ZNF385B: variants seen among roughly 807,000 people sequenced by gnomAD.
ZNF385B encodes zinc finger protein 533.
Under a neutral mutation model 39.2 loss-of-function variants are expected in ZNF385B, and 23 were observed. The ratio of observed to expected loss-of-function variants is 0.59; its 90% CI spans 0.42 to 0.83. The LOEUF is 0.83. Among genes scored for constraint, ZNF385B ranks in the 40% least tolerant of loss-of-function variants. The pLI is 0.00. For missense variants in ZNF385B, 552 were observed against 598.9 expected, an observed-to-expected ratio of 0.92 and a Z score of 0.82; for synonymous variants, 205 against 222.6, an observed-to-expected ratio of 0.92 and a Z score of 0.70.
At chr2:179,753,682 T>C (rs1702827152) in intron 3 of ZNF385B, among the ~76,000 whole-genome samples, 1 of 152,198 alleles carries the variant, frequency 6.6e-6, no homozygotes, top group Non-Finnish European at 1.5e-5. Context: ...CTAGGAATTT[T>C]ATTTTCTTTG....
chr2:179,514,778 GTTT>G (rs10594566), intron 5 of ZNF385B, among the ~76,000 whole-genome samples: 115,624 of 143,414 alleles, frequency 0.81, 46,730 homozygotes, highest in East Asian at 0.9. Flanking sequence ...ATGTGTGGTG[GTTT>G]TTTTTTTTTT....
intron 3 of ZNF385B, among the ~76,000 whole-genome samples, chr2:179,605,588 T>A (rs980707461): frequency 6.6e-6 from 1 of 152,158 alleles, no homozygotes; most frequent in East Asian, 1.9e-4. Flanking sequence ...CCAATGGCTA[T>A]AATATGTATG....
chr2:179,699,480 A>AGCAGTTATATATTTTGC (rs1233104898), intron 3 of ZNF385B, among the ~76,000 whole-genome samples: 2 of 152,368 alleles, frequency 1.3e-5, no homozygotes, highest in Admixed American at 1.3e-4. Flanking sequence ...ATAATTGTGG[A>AGCAGTTATATATTTTGC]TGTTACAGAG....
intron 1 of ZNF385B, among the ~76,000 whole-genome samples, chr2:179,804,671 T>G (rs77053314): frequency 0.042 from 6,405 of 152,274 alleles, 207 homozygotes; most frequent in African/African-American, 0.095. Flanking sequence ...ATAAAAGAAA[T>G]AAATCATTCA....
At chr2:179,779,551 A>G (rs979486734) in intron 1 of ZNF385B, among the ~76,000 whole-genome samples, 2 of 152,228 alleles carry the variant, frequency 1.3e-5, no homozygotes, top group East Asian at 3.9e-4. Flanking sequence ...CAGAGTAGAG[A>G]GGGTGTCATG....
chr2:179,608,945 G>T (rs1039490556), intron 3 of ZNF385B, among the ~76,000 whole-genome samples: 2 of 150,756 alleles, frequency 1.3e-5, no homozygotes, highest in Non-Finnish European at 2.9e-5. Context: ...AAATTTTTAT[G>T]AGTACAAAGT....
At chr2:179,761,470 T>A (rs969694407) in intron 3 of ZNF385B, among the ~76,000 whole-genome samples, 7 of 152,204 alleles carry the variant, frequency 4.6e-5, no homozygotes, top group Non-Finnish European at 7.4e-5. Flanking sequence ...ACACATGTTT[T>A]TTAAAGTATA....
intron 3 of ZNF385B, among the ~76,000 whole-genome samples, chr2:179,674,622 T>C (rs1185659462): frequency 6.6e-6 from 1 of 152,370 alleles, no homozygotes; most frequent in East Asian, 1.9e-4. Flanking sequence ...AATTGTGTTT[T>C]TATCTGCTTA....
chr2:179,670,074 GA>G (rs1465217326), intron 3 of ZNF385B, among the ~76,000 whole-genome samples: 1 of 151,884 alleles, frequency 6.6e-6, no homozygotes, highest in Non-Finnish European at 1.5e-5. Flanking sequence ...GGCGGATCAC[GA>G]GGTCAGGAGA....
At chr2:179,634,626 A>G (rs977244314) in intron 3 of ZNF385B, among the ~76,000 whole-genome samples, 2 of 152,112 alleles carry the variant, frequency 1.3e-5, no homozygotes, top group African/African-American at 4.8e-5. Context: ...TAGTTCAACC[A>G]TTGTGGAAGA....
intron 5 of ZNF385B, among the ~76,000 whole-genome samples, chr2:179,491,937 G>A (rs2055277354): frequency 1.3e-5 from 2 of 152,154 alleles, no homozygotes. Context: ...CTGGTCTCGA[G>A]TGATCCTACT....
At chr2:179,504,341 G>T (rs533544462) in intron 5 of ZNF385B, among the ~76,000 whole-genome samples, 18 of 151,842 alleles carry the variant, frequency 1.2e-4, no homozygotes, top group African/African-American at 4.1e-4. Context: ...AAACATACGT[G>T]TGCATGTGTC....
intron 3 of ZNF385B, among the ~76,000 whole-genome samples, chr2:179,639,342 G>T (rs375056518): frequency 2.0e-5 from 3 of 151,202 alleles, no homozygotes; most frequent in African/African-American, 7.3e-5. Flanking sequence ...GAGATCTATT[G>T]TATAGCATGG....
At chr2:179,631,875 A>T (rs944994226) in intron 3 of ZNF385B, among the ~76,000 whole-genome samples, 1 of 152,000 alleles carries the variant, frequency 6.6e-6, no homozygotes, top group South Asian at 2.1e-4. Context: ...AACAAAAAAA[A>T]CAAACAGTGG....
At chr2:179,710,596 C>G (rs1270719816) in intron 3 of ZNF385B, among the ~76,000 whole-genome samples, 1 of 152,162 alleles carries the variant, frequency 6.6e-6, no homozygotes, top group Non-Finnish European at 1.5e-5. Context: ...GGGGGCCAGT[C>G]CATTTGGTAT....
intron 3 of ZNF385B, among the ~76,000 whole-genome samples, chr2:179,600,457 G>A (rs1309686355): frequency 2.0e-5 from 3 of 152,162 alleles, no homozygotes; most frequent in Non-Finnish European, 4.4e-5. Context: ...AAGTCAACAA[G>A]GAAATCTAAT....
intron 3 of ZNF385B, among the ~76,000 whole-genome samples, chr2:179,700,374 A>G (rs1220091656): frequency 1.3e-5 from 2 of 152,182 alleles, no homozygotes; most frequent in Non-Finnish European, 2.9e-5. Context: ...ATGCCTGAGT[A>G]TATACCATAT....
chr2:179,804,643 C>T (rs1019266866), intron 1 of ZNF385B, among the ~76,000 whole-genome samples: 2 of 152,198 alleles, frequency 1.3e-5, no homozygotes, highest in African/African-American at 4.8e-5. Flanking sequence ...GTCTCTCCTT[C>T]ACAGGATTGT....
chr2:179,788,823 C>T (rs1486237), intron 1 of ZNF385B, among the ~76,000 whole-genome samples: 44,253 of 151,922 alleles, frequency 0.29, 6,676 homozygotes, highest in African/African-American at 0.34. Flanking sequence ...AAAGAGGATG[C>T]TCCTGTGACC....
Sources: gnomAD v4.1 joint callset for allele counts (sites outside exome capture counted in the v4.1 genomes callset) on GRCh38, gnomAD v4.1.1 for gene constraint, MANE v1.5 for transcripts, NCBI Gene and HGNC (gene_info 2026-07-23, HGNC 2026-07-21) for gene names.